The following ATG5 variants were observed in gnomAD, a reference collection of about 807,000 sequenced individuals.
ATG5 encodes the protein autophagy related 5.
Under a neutral mutation model 36.5 loss-of-function variants are expected in ATG5, and 14 were observed. That is an observed-to-expected ratio of 0.38 (90% CI 0.25 to 0.60). ATG5 has a LOEUF of 0.60. ATG5 is among the 20% of genes least tolerant of loss of function. ATG5 has a pLI of 0.60. For synonymous variants in ATG5, 95 were observed against 101.5 expected (o/e 0.94, Z 0.38); for missense variants, 195 against 326.7 (o/e 0.60, Z 3.11).
intron 6 of ATG5, among the ~76,000 whole-genome samples, chr6:106,228,838 T>C (rs1777549864): frequency 6.6e-6 from 1 of 152,090 alleles, no homozygotes; most frequent in Non-Finnish European, 1.5e-5. Context: ...GGGAAGGGCT[T>C]TCTAACAACC....
intron 5 of ATG5, among the ~76,000 whole-genome samples, chr6:106,261,744 T>C (rs148049267): frequency 6.6e-5 from 10 of 152,268 alleles, no homozygotes; most frequent in Middle Eastern, 6.8e-3. Flanking sequence ...AGTCAATAAA[T>C]AGGGGTTTAT....
At chr6:106,305,091 CAAAA>C (rs71756848) in intron 3 of ATG5, among the ~76,000 whole-genome samples, 1 of 118,490 alleles carries the variant, frequency 8.4e-6, no homozygotes. Flanking sequence ...AACTCCGTCT[CAAAA>C]AAAAAAAAAA....
chr6:106,254,130 C>T (rs1029671980), intron 5 of ATG5, among the ~76,000 whole-genome samples: 1 of 152,156 alleles, frequency 6.6e-6, no homozygotes. Flanking sequence ...TCAGTTTTAG[C>T]AGCCTAGAAT....
intron 3 of ATG5, among the ~76,000 whole-genome samples, 182 bp downstream of exon 3, chr6:106,308,182 A>C (rs1770520195): frequency 1.3e-5 from 2 of 152,200 alleles, no homozygotes; most frequent in Admixed American, 6.5e-5. Flanking sequence ...CCATGCATCC[A>C]AACAGAAGGC....
At chr6:106,247,033 C>T (rs1054525857) in intron 6 of ATG5, among the ~76,000 whole-genome samples, 9 of 152,106 alleles carry the variant, frequency 5.9e-5, no homozygotes, top group Non-Finnish European at 1.2e-4. Flanking sequence ...TTCATTCTTC[C>T]AGTATATTGA....
At chr6:106,239,999 T>C (rs1778054728) in intron 6 of ATG5, among the ~76,000 whole-genome samples, 1 of 151,794 alleles carries the variant, frequency 6.6e-6, no homozygotes, top group Admixed American at 6.6e-5. Flanking sequence ...GAAAGGACCT[T>C]CTTTTTTTTT....
At chr6:106,231,789 G>T (rs1194288889) in intron 6 of ATG5, among the ~76,000 whole-genome samples, 1 of 152,032 alleles carries the variant, frequency 6.6e-6, no homozygotes. Context: ...GGCAACCTCA[G>T]TTTTTTATAA....
intron 5 of ATG5, among the ~76,000 whole-genome samples, chr6:106,251,961 C>T (rs1778609748): frequency 6.6e-6 from 1 of 152,038 alleles, no homozygotes; most frequent in Non-Finnish European, 1.5e-5. Flanking sequence ...CCACCTCAGC[C>T]TCCCAAGTAG....
intron 2 of ATG5, 35 bp downstream of exon 2, chr6:106,316,066 T>C (rs1770836234): frequency 1.3e-6 from 2 of 1,536,762 alleles, no homozygotes; most frequent in African/African-American, 1.4e-5. Context: ...ATGGACAAGG[T>C]TAAATATCCC....
chr6:106,317,571 G>A (rs1770899160), intron 1 of ATG5, among the ~76,000 whole-genome samples: 1 of 149,434 alleles, frequency 6.7e-6, no homozygotes, highest in Non-Finnish European at 1.5e-5. Flanking sequence ...CAAGAATTCT[G>A]GTTATTAAAC....
chr6:106,307,878 C>T lies in ATG5; in HGVS notation c.236+486G>A, dbSNP rs138582511. ...TGCAAAACATCAAATTTATTTTTCACGTAAAAAGGAAATCAATATATTTTA... is the reference window on the plus strand; with the variant it reads ...TGCAAAACATCAAATTTATTTTTCATGTAAAAAGGAAATCAATATATTTTA... On this transcript the variant is annotated intron_variant, in intron 3 of 7. Coordinates refer to ENST00000369076, the MANE Select transcript of ATG5 (RefSeq NM_004849.4). Among the ~76,000 whole-genome samples, 642 of 152,132 alleles carry T rather than the reference C, an allele frequency of 4.2e-3. 5 individuals carry two copies. Among genetic ancestry groups the T allele is most frequent in the African/African-American group, 0.015 (610 of 41,496 alleles).
At chr6:106,249,378 G>C (rs969245665) in intron 5 of ATG5, among the ~76,000 whole-genome samples, 1 of 151,952 alleles carries the variant, frequency 6.6e-6, no homozygotes, top group African/African-American at 2.4e-5. Context: ...TGGGTTTTTC[G>C]CTTGGCATAA....
intron 6 of ATG5, among the ~76,000 whole-genome samples, chr6:106,223,251 C>T (rs1777316881): frequency 1.3e-5 from 2 of 152,144 alleles, no homozygotes; most frequent in Non-Finnish European, 2.9e-5. Flanking sequence ...ATAGTTCCTA[C>T]TCTTATAACA....
intron 4 of ATG5, among the ~76,000 whole-genome samples, chr6:106,286,445 A>T (rs952642721): frequency 1.3e-5 from 2 of 152,238 alleles, no homozygotes; most frequent in African/African-American, 4.8e-5. Context: ...GGCTAAAAGT[A>T]TATGTTAACA....
chr6:106,194,962 T>C (rs1776118651), intron 7 of ATG5, among the ~76,000 whole-genome samples: 2 of 152,214 alleles, frequency 1.3e-5, no homozygotes, highest in South Asian at 2.1e-4. Context: ...CTTAGATCTC[T>C]GAGTCATTTT....
intron 4 of ATG5, 35 bp from the exon 5 acceptor site, chr6:106,279,858 T>A: frequency 7.7e-7 from 1 of 1,303,744 alleles, no homozygotes; most frequent in South Asian, 2.2e-5. Flanking sequence ...TAAAACAGGA[T>A]ACACACATTA....
intron 2 of ATG5, among the ~76,000 whole-genome samples, chr6:106,309,227 T>G (rs889063019): frequency 6.6e-6 from 1 of 152,202 alleles, no homozygotes; most frequent in African/African-American, 2.4e-5. Context: ...TTGGCTGCTT[T>G]TATAACCGCA....
chr6:106,219,570 T>TAA lies in ATG5; in HGVS notation c.574-17483_574-17482dup, dbSNP rs748287255. 1.4e-4 allele frequency among the ~76,000 whole-genome samples: 22 copies of TAA among 152,312 alleles called. No homozygotes were observed. In the South Asian group the frequency reaches 4.6e-3, roughly 32 times the overall value. ...GTACATGTGTATGAAATATTATAAGTAATCTACAGATAATTTAAAGTATAC... is the reference window on the plus strand; with the variant it reads ...GTACATGTGTATGAAATATTATAAGTAAAATCTACAGATAATTTAAAGTATAC... On this transcript the variant is annotated intron_variant, in intron 6 of 7. Transcript: ENST00000369076.
At chr6:106,230,368 GA>G (rs1204319353) in intron 6 of ATG5, among the ~76,000 whole-genome samples, 3 of 152,112 alleles carry the variant, frequency 2.0e-5, no homozygotes, top group Non-Finnish European at 2.9e-5. Flanking sequence ...AAATACTCAG[GA>G]ACTCAGCCTA....
Sources: allele counts gnomAD v4.1 joint callset (sites outside exome capture counted in the v4.1 genomes callset), GRCh38; gene constraint gnomAD v4.1.1; transcripts MANE v1.5; gene names NCBI Gene and HGNC (gene_info 2026-07-23, HGNC 2026-07-21).